The following ACER1 variants were observed in gnomAD, a reference collection of about 807,000 sequenced individuals.
The protein encoded by ACER1 is alkaline ceramidase 1.
In ACER1, 28 loss-of-function variants were observed where a neutral mutation model predicts 24.9. The observed-to-expected ratio is 1.13, with a 90% confidence interval of 0.83 to 1.54. The LOEUF (loss-of-function observed/expected upper bound fraction) is 1.54. ACER1 is among the 40% of genes most tolerant of loss of function. The probability of loss-of-function intolerance (pLI) is 0.00; values close to 1 mark genes in which losing one functional copy is unlikely to be tolerated. For missense variants in ACER1, 352 were observed against 349.3 expected, an observed-to-expected ratio of 1.01 and a Z score of -0.06; for synonymous variants, 132 against 131.4, an observed-to-expected ratio of 1.00 and a Z score of -0.03.
rs368802411 is a variant in ACER1 at position 6,333,587 on chromosome 19, G to C, written c.-36C>G. On this transcript the variant is annotated 5_prime_UTR_variant, in exon 1 of 6. Transcript: ENST00000301452. ...TGGCCACCACCAGCCGGCTGCGCCC[G>C]GCAGAGAGAAGGCGAGCTTGGGAAG... is the stretch of plus-strand genomic sequence containing the variant. 3 of 1,534,946 alleles carry C rather than the reference G, an allele frequency of 2.0e-6. No individual in the cohort carries two copies. Among genetic ancestry groups the C allele is most frequent in the Admixed American group, 2.0e-5 (1 of 50,858 alleles).
chr19:6,333,837 G>A (rs542699991), upstream of ACER1, among the ~76,000 whole-genome samples: 183 of 152,296 alleles, frequency 1.2e-3, 1 homozygote, highest in African/African-American at 4.1e-3. Context: ...AATAGGAATC[G>A]GGGTGGGGGC....
At chr19:6,334,511 A>AT (rs796763279), upstream of ACER1, among the ~76,000 whole-genome samples, 44 of 151,612 alleles carry the variant, frequency 2.9e-4, no homozygotes, top group East Asian at 1.6e-3. Context: ...TGCCCAGCTA[A>AT]TTTTTTTTGT....
At chr19:6,336,560 C>A (rs1029927483), upstream of ACER1, among the ~76,000 whole-genome samples, 1 of 152,122 alleles carries the variant, frequency 6.6e-6, no homozygotes, top group Non-Finnish European at 1.5e-5. Context: ...GTGGCTCATG[C>A]CTGTAATCCC....
chr19:6,316,689 G>A (rs1238806057), intron 1 of ACER1, among the ~76,000 whole-genome samples: 1 of 151,610 alleles, frequency 6.6e-6, no homozygotes, highest in African/African-American at 2.4e-5. Flanking sequence ...GCATGGTGGT[G>A]CATGCCTATA....
At chr19:6,349,647 TC>T in the ACER1 span, among the ~76,000 whole-genome samples, 1 of 152,060 alleles carries the variant, frequency 6.6e-6, no homozygotes, top group Admixed American at 6.6e-5. Flanking sequence ...CATCAGAGCA[TC>T]CCACATGAAG....
intron 1 of ACER1, among the ~76,000 whole-genome samples, chr19:6,318,892 G>C (rs369868824): frequency 6.6e-6 from 1 of 150,966 alleles, no homozygotes; most frequent in Admixed American, 6.6e-5. Context: ...AAGACTAGAC[G>C]GGTGGTGGTG....
intron 1 of ACER1, among the ~76,000 whole-genome samples, chr19:6,322,598 T>C (rs2091636410): frequency 6.6e-6 from 1 of 152,102 alleles, no homozygotes; most frequent in Non-Finnish European, 1.5e-5. Context: ...GTGTCTGGGC[T>C]CTGCAACCTC....
chr19:6,347,629 A>G, the ACER1 span, among the ~76,000 whole-genome samples: 2 of 151,660 alleles, frequency 1.3e-5, no homozygotes, highest in Non-Finnish European at 2.9e-5. Context: ...TGGCGTCAGG[A>G]GTTCAAGACC....
At chr19:6,344,216 C>T in the ACER1 span, among the ~76,000 whole-genome samples, 1 of 151,976 alleles carries the variant, frequency 6.6e-6, no homozygotes, top group African/African-American at 2.4e-5. Flanking sequence ...TTGCAGTGAG[C>T]CGAGATTGCG....
the ACER1 span, among the ~76,000 whole-genome samples, chr19:6,341,618 T>C: frequency 6.7e-6 from 1 of 150,132 alleles, no homozygotes; most frequent in African/African-American, 2.5e-5. Flanking sequence ...TTTTGTTTTG[T>C]TTTGTTTTGT....
intron 4 of ACER1, among the ~76,000 whole-genome samples, chr19:6,309,044 C>G (rs543700109): frequency 6.6e-6 from 1 of 151,690 alleles, no homozygotes; most frequent in South Asian, 2.1e-4. Context: ...ACTAAAAATA[C>G]AAAAATTAGC....
At chr19:6,324,999 A>T (rs1021050124) in intron 1 of ACER1, among the ~76,000 whole-genome samples, 1 of 152,020 alleles carries the variant, frequency 6.6e-6, no homozygotes, top group Admixed American at 6.6e-5. Context: ...GCAGGAGCAA[A>T]CTGACGGAGC....
At chr19:6,358,359 C>T in the ACER1 span, among the ~76,000 whole-genome samples, 72 of 152,226 alleles carry the variant, frequency 4.7e-4, no homozygotes, top group African/African-American at 1.6e-3. Context: ...CCTTCAACTC[C>T]CTCCCTCTGT....
At chr19:6,307,109 T>G in intron 5 of ACER1, 44 bp downstream of exon 5, 1 of 1,608,666 alleles carries the variant, frequency 6.2e-7, no homozygotes, top group South Asian at 1.1e-5. Flanking sequence ...GCATCTAAGA[T>G]TCTCTGACTC....
chr19:6,355,516 A>G, the ACER1 span, among the ~76,000 whole-genome samples: 7,604 of 147,454 alleles, frequency 0.052, 286 homozygotes, highest in African/African-American at 0.11. Context: ...CCCAGCAGCC[A>G]CCCCGTCTGG....
chr19:6,339,247 TG>T, the ACER1 span, among the ~76,000 whole-genome samples: 1 of 152,122 alleles, frequency 6.6e-6, no homozygotes. Flanking sequence ...ACACAATGTG[TG>T]TGGTTCATCC....
At chr19:6,354,828 C>T in the ACER1 span, among the ~76,000 whole-genome samples, 4 of 151,812 alleles carry the variant, frequency 2.6e-5, no homozygotes, top group East Asian at 3.9e-4. Flanking sequence ...CCTTTCCCCA[C>T]GGTCTCCCTC....
chr19:6,323,484 T>A (rs185221496), intron 1 of ACER1, among the ~76,000 whole-genome samples: 1 of 152,190 alleles, frequency 6.6e-6, no homozygotes, highest in South Asian at 2.1e-4. Context: ...TCTCTTTGCC[T>A]GCTGCCATCC....
chr19:6,312,852 T>C (rs971723737), intron 1 of ACER1, among the ~76,000 whole-genome samples: 6 of 151,504 alleles, frequency 4.0e-5, no homozygotes, highest in Admixed American at 1.3e-4. Context: ...ATTTTTTATA[T>C]TTTTGGTAGA....
Sources: gnomAD v4.1 joint callset for allele counts (sites outside exome capture counted in the v4.1 genomes callset) on GRCh38, gnomAD v4.1.1 for gene constraint, MANE v1.5 for transcripts, NCBI Gene and HGNC (gene_info 2026-07-23, HGNC 2026-07-21) for gene names.